ECT2L: variants seen among roughly 807,000 people sequenced by gnomAD.
The protein encoded by ECT2L is epithelial cell transforming 2 like.
In ECT2L, 126 loss-of-function variants were observed where a neutral mutation model predicts 122.8. The observed-to-expected ratio is 1.03, with a 90% confidence interval of 0.89 to 1.19. The LOEUF is 1.19. ECT2L is among the 50% of genes most tolerant of loss of function. The pLI is 0.00. For synonymous variants in ECT2L, 385 were observed against 381.8 expected (o/e 1.01, Z -0.10); for missense variants, 1,012 against 1,064.1 (o/e 0.95, Z 0.68).
intron 14 of ECT2L, among the ~76,000 whole-genome samples, chr6:138,878,635 C>T (rs1329205491): frequency 1.3e-5 from 2 of 151,718 alleles, no homozygotes; most frequent in Non-Finnish European, 2.9e-5. Flanking sequence ...TTAGTAGAGA[C>T]AGAGTTTTGC....
chr6:138,836,473 G>A (rs552084966), intron 4 of ECT2L, among the ~76,000 whole-genome samples: 1 of 151,914 alleles, frequency 6.6e-6, no homozygotes, highest in South Asian at 2.1e-4. Context: ...ATTTTTAGTA[G>A]AGACAGGTTT....
Position 138,813,270 on chromosome 6 carries a change from C to T in ECT2L, c.-5C>T, listed in dbSNP as rs371475573. The T allele has an allele frequency of 1.2e-6, 2 of 1,606,784 alleles. No individual in the cohort carries two copies. Among genetic ancestry groups the T allele is most frequent in the Non-Finnish European group, 1.7e-6 (2 of 1,178,302 alleles). ...GCTGGGGATTCTTCCTGGAGAACTC[C>T]AGAAATGGAGAGCTTCCACACCAGA... On this transcript the variant is annotated 5_prime_UTR_variant, in exon 3 of 22. Coordinates refer to ENST00000541398, the MANE Select transcript of ECT2L (RefSeq NM_001077706.3).
intron 1 of ECT2L, among the ~76,000 whole-genome samples, chr6:138,802,256 T>C (rs1485164773): frequency 6.6e-6 from 1 of 152,264 alleles, no homozygotes; most frequent in Non-Finnish European, 1.5e-5. Context: ...TCTTCCCCAG[T>C]CCAGCTGTGG....
rs949908347 is a variant in ECT2L, at chr6:138,849,452, C to A, written c.1069+18C>A. The A allele has an allele frequency of 6.2e-7, 1 of 1,604,664 alleles. No homozygotes were observed. Among genetic ancestry groups the A allele is most frequent in the Non-Finnish European group, 8.5e-7 (1 of 1,175,596 alleles). ...ACTCCAAGGTAGGCCTGGGGATTGG[C>A]GGATGAACAACCATGGAACTTCGCG... On this transcript the variant is annotated intron_variant, in intron 9 of 21. Transcript: ENST00000541398.
At chr6:138,891,994 T>C (rs183877781) in intron 20 of ECT2L, among the ~76,000 whole-genome samples, 6 of 152,342 alleles carry the variant, frequency 3.9e-5, no homozygotes, top group Admixed American at 2.0e-4. Context: ...GTCAGTAATT[T>C]TGTAAAATCT....
intron 4 of ECT2L, among the ~76,000 whole-genome samples, chr6:138,831,624 A>G (rs1776650224): frequency 6.6e-6 from 1 of 152,230 alleles, no homozygotes; most frequent in South Asian, 2.1e-4. Flanking sequence ...TCAGAAGATT[A>G]ACTACAGTTG....
rs1778629384 is a variant in ECT2L at position 138,881,061 on chromosome 6, T to C, written c.1770T>C (p.Asp590=). 1 of 1,614,076 alleles carries C rather than the reference T, an allele frequency of 6.2e-7. No individual in the cohort carries two copies. The highest frequency in any genetic ancestry group is 1.3e-5 in the African/African-American group (1 of 74,934). Reference sequence around the variant, plus strand: ...TGCAGATACTGGAAATTGTGAGAGATGTTTATGTCGCACCACTGAAAGCAG... The same window carrying C: ...TGCAGATACTGGAAATTGTGAGAGACGTTTATGTCGCACCACTGAAAGCAG... ...KYVQILEIVR[D]VYVAPLKAAL... The change falls in exon 15 of 22, where the codon GAT becomes GAC. Residue 590 remains aspartate (D), a synonymous_variant. Coordinates refer to ENST00000541398, the MANE Select transcript of ECT2L (RefSeq NM_001077706.3).
At chr6:138,882,357 G>A (rs1380113245) in intron 15 of ECT2L, among the ~76,000 whole-genome samples, 2 of 152,190 alleles carry the variant, frequency 1.3e-5, no homozygotes, top group African/African-American at 4.8e-5. Flanking sequence ...CAGAGGCTAT[G>A]GCATTCAGCT....
chr6:138,879,491 T>A (rs568685394), intron 14 of ECT2L: 1 of 152,358 alleles, frequency 6.6e-6, no homozygotes, highest in East Asian at 1.9e-4. Context: ...ATAAATTTTC[T>A]GGTATAAAGA....
At chr6:138,901,254 T>C (rs997449107) in intron 21 of ECT2L, 134 bp downstream of exon 21, 6 of 915,080 alleles carry the variant, frequency 6.6e-6, no homozygotes, top group African/African-American at 5.1e-5. Flanking sequence ...AATATTAGAA[T>C]TTCATTAAAC....
At chr6:138,856,780 G>A (rs1423868400) in intron 10 of ECT2L, among the ~76,000 whole-genome samples, 2 of 152,156 alleles carry the variant, frequency 1.3e-5, no homozygotes, top group Admixed American at 6.5e-5. Context: ...CGTTCTGATT[G>A]GTCTAACTTT....
At chr6:138,870,412 G>C (rs1778211811) in intron 13 of ECT2L, 1 of 152,444 alleles carries the variant, frequency 6.6e-6, no homozygotes, top group South Asian at 2.1e-4. Flanking sequence ...GAGCTCTACT[G>C]GGAAGCTTTA....
intron 4 of ECT2L, among the ~76,000 whole-genome samples, chr6:138,822,146 T>G (rs1386749564): frequency 2.0e-5 from 3 of 152,386 alleles, no homozygotes. Context: ...TATTCTTTTT[T>G]CATTTATTAT....
chr6:138,801,062 A>G (rs1775526141), intron 1 of ECT2L, among the ~76,000 whole-genome samples: 1 of 152,228 alleles, frequency 6.6e-6, no homozygotes, highest in African/African-American at 2.4e-5. Context: ...AGGAGCCCTC[A>G]TGACCTATCT....
intron 20 of ECT2L, among the ~76,000 whole-genome samples, chr6:138,890,226 A>C (rs1778969896): frequency 6.6e-6 from 1 of 152,064 alleles, no homozygotes; most frequent in Non-Finnish European, 1.5e-5. Context: ...TTCAGTATTA[A>C]TGACAAAGAG....
rs567610160 is a variant in ECT2L at position 138,868,851 on chromosome 6, A to C, written c.1578+645A>C. On this transcript the variant is annotated intron_variant, in intron 13 of 21. Coordinates refer to ENST00000541398, the MANE Select transcript of ECT2L (RefSeq NM_001077706.3). ...TCTCCAGACAGCTCTCCCAGCCCCA[A>C]AGAGGACAGCATGGCTATAGGAAAA... Among the ~76,000 whole-genome samples, 5 of 152,290 alleles carry C rather than the reference A, an allele frequency of 3.3e-5. No individual in the cohort carries two copies. The South Asian group carries it at 1.0e-3, about 32-fold the overall frequency.
Position 138,836,437 on chromosome 6 carries a change from C to T in ECT2L, c.180-1915C>T, listed in dbSNP as rs369828734. Among the ~76,000 whole-genome samples, 162 of 151,994 alleles carry T rather than the reference C, an allele frequency of 1.1e-3. 1 individual carries two copies. Among genetic ancestry groups the T allele is most frequent in the African/African-American group, 3.7e-3 (154 of 41,472 alleles). On this transcript the variant is annotated intron_variant, in intron 4 of 21. Transcript: ENST00000541398. Reference sequence around the variant, plus strand: ...CTGAGTAGCTGGGATTACAAGCGTACACCACCATGCCCGGCTAACTTTTGT... The same window carrying T: ...CTGAGTAGCTGGGATTACAAGCGTATACCACCATGCCCGGCTAACTTTTGT...
chr6:138,895,437 C>G (rs1466087844), intron 20 of ECT2L, among the ~76,000 whole-genome samples: 1 of 152,138 alleles, frequency 6.6e-6, no homozygotes, highest in African/African-American at 2.4e-5. Flanking sequence ...AAGTGCTGGT[C>G]TGGAATTTAG....
rs371417476 is a variant in ECT2L at position 138,868,158 on chromosome 6, T to G, written c.1530T>G (p.Thr510=). The change falls in exon 13 of 22, where the codon ACT becomes ACG. Residue 510 remains threonine (T), a synonymous_variant. Transcript: ENST00000541398. ...CCAACATTCTAAACAACCAAGATAC[T>G]GCGCAAGCTCTGGCAGATGGATTGA... ...GMTNILNNQD[T]AQALADGLME... 2 of 1,613,888 alleles carry G rather than the reference T, an allele frequency of 1.2e-6. No homozygotes were observed. Among genetic ancestry groups the G allele is most frequent in the Non-Finnish European group, 1.7e-6 (2 of 1,179,846 alleles).
Sources: allele counts gnomAD v4.1 joint callset (sites outside exome capture counted in the v4.1 genomes callset), GRCh38; gene constraint gnomAD v4.1.1; transcripts MANE v1.5; gene names NCBI Gene and HGNC (gene_info 2026-07-23, HGNC 2026-07-21).